The following ANK3 variants were observed in gnomAD, a reference collection of about 807,000 sequenced individuals.
The protein encoded by ANK3 is ankyrin 3.
ANK3 carries 57 observed loss-of-function variants against 370.9 expected under a neutral mutation model. That is an observed-to-expected ratio of 0.15 (90% CI 0.12 to 0.19). ANK3 has a LOEUF of 0.19. ANK3 is among the 10% of genes least tolerant of loss of function. The pLI is 1.00. For missense variants in ANK3, 4,439 were observed against 5,302.1 expected, an observed-to-expected ratio of 0.84 and a Z score of 5.06; for synonymous variants, 1,929 against 1,946.3, an observed-to-expected ratio of 0.99 and a Z score of 0.23.
At chr10:60,061,223 T>C (rs2080390101) in intron 40 of ANK3, among the ~76,000 whole-genome samples, 1 of 152,250 alleles carries the variant, frequency 6.6e-6, no homozygotes, top group South Asian at 2.1e-4. Flanking sequence ...GTTGAAAAGC[T>C]GGCTAAGATT....
chr10:60,331,565 C>A (rs2051311491), intron 1 of ANK3, among the ~76,000 whole-genome samples: 1 of 137,420 alleles, frequency 7.3e-6, no homozygotes, highest in Non-Finnish European at 1.6e-5. Flanking sequence ...GTTAAAACAG[C>A]CTAATTAAAA....
At chr10:60,520,011 T>G (rs1354383361) in intron 2 of ANK3, among the ~76,000 whole-genome samples, 1 of 152,144 alleles carries the variant, frequency 6.6e-6, no homozygotes, top group African/African-American at 2.4e-5. Context: ...GTAACTCTAT[T>G]GTATATTATG....
intron 2 of ANK3, among the ~76,000 whole-genome samples, chr10:60,602,302 T>A (rs1371513799): frequency 6.6e-6 from 1 of 152,172 alleles, no homozygotes; most frequent in Non-Finnish European, 1.5e-5. Context: ...CTTCTTTTCT[T>A]ATCCTCCCTC....
At chr10:60,356,715 T>G (rs1174211067) in intron 1 of ANK3, among the ~76,000 whole-genome samples, 6 of 152,164 alleles carry the variant, frequency 3.9e-5, no homozygotes, top group Non-Finnish European at 5.9e-5. Context: ...ATGCTTTCTT[T>G]TTCATTTCCT....
Position 60,027,447 on chromosome 10 carries a change from C to T in ANK3, c.*2399G>A, listed in dbSNP as rs1000606940. 1 of 152,106 alleles carries T rather than the reference C, an allele frequency of 6.6e-6. No homozygotes were observed. The highest frequency in any genetic ancestry group is 2.4e-5 in the African/African-American group (1 of 41,418). The allele number at this position is 152,106 out of a possible 1,614,324, so 9.4% of individuals were successfully genotyped here. ...CTTTATGCAAAGTAGATTATCCGTGCATTTCTTCTGCATTGATAGTGAATC... is the reference window on the plus strand; with the variant it reads ...CTTTATGCAAAGTAGATTATCCGTGTATTTCTTCTGCATTGATAGTGAATC... On this transcript the variant is annotated 3_prime_UTR_variant, in exon 44 of 44. Transcript: ENST00000280772.
intron 4 of ANK3, among the ~76,000 whole-genome samples, chr10:60,272,136 T>C (rs1235307914): frequency 2.6e-5 from 4 of 151,094 alleles, no homozygotes; most frequent in Non-Finnish European, 5.9e-5. Context: ...TGCATGCCCA[T>C]AGGTCCGTGT....
chr10:60,276,685 C>T (rs1317039414), intron 4 of ANK3, among the ~76,000 whole-genome samples: 6 of 152,078 alleles, frequency 3.9e-5, no homozygotes, highest in East Asian at 1.9e-4. Flanking sequence ...CAAACATTGC[C>T]GAGCCAGTTT....
rs2097096835 is a variant in ANK3 at position 60,223,680 on chromosome 10, C to T, written c.898-10170G>A. 3.9e-5 allele frequency among the ~76,000 whole-genome samples: 6 copies of T among 152,072 alleles called. No homozygotes were observed. The South Asian group carries it at 8.3e-4, about 21-fold the overall frequency. ...GTTATCCTTTTTGTTTAAGAGTAGA[C>T]TCATTTTGTCTACTTCAGTAGCACT... On this transcript the variant is annotated intron_variant, in intron 8 of 43. Transcript: ENST00000280772.
chr10:60,617,406 A>T (rs1301204785), intron 1 of ANK3, among the ~76,000 whole-genome samples: 1 of 152,050 alleles, frequency 6.6e-6, no homozygotes, highest in Non-Finnish European at 1.5e-5. Flanking sequence ...TTTCCCCAGC[A>T]CCACTGGTGA....
At chr10:60,370,122 G>T (rs143633488) in intron 1 of ANK3, among the ~76,000 whole-genome samples, 2 of 152,218 alleles carry the variant, frequency 1.3e-5, no homozygotes, top group Non-Finnish European at 1.5e-5. Flanking sequence ...TTTCAATAAA[G>T]GTAGCACATT....
chr10:60,054,419 A>G (rs1457339151), intron 42 of ANK3, among the ~76,000 whole-genome samples: 1 of 152,224 alleles, frequency 6.6e-6, no homozygotes, highest in African/African-American at 2.4e-5. Flanking sequence ...ATAAAAATTT[A>G]GTGAAGGCAG....
intron 29 of ANK3, among the ~76,000 whole-genome samples, chr10:60,087,723 C>T (rs1300503511): frequency 6.6e-6 from 1 of 152,108 alleles, no homozygotes; most frequent in Admixed American, 6.5e-5. Flanking sequence ...GCCAGCTTTC[C>T]AAACCAAATC....
At chr10:60,512,941 G>A (rs77572108) in intron 2 of ANK3, among the ~76,000 whole-genome samples, 1,961 of 152,100 alleles carry the variant, frequency 0.013, 59 homozygotes, top group African/African-American at 0.045. Flanking sequence ...CATAATTTAC[G>A]TGATTCATAT....
At chr10:60,232,505 C>T (rs991750768) in intron 8 of ANK3, among the ~76,000 whole-genome samples, 1 of 152,164 alleles carries the variant, frequency 6.6e-6, no homozygotes, top group Non-Finnish European at 1.5e-5. Flanking sequence ...GCATTCTTTA[C>T]ATACTGATAA....
intron 2 of ANK3, among the ~76,000 whole-genome samples, chr10:60,419,461 A>G (rs2063735325): frequency 1.3e-5 from 2 of 152,140 alleles, no homozygotes; most frequent in African/African-American, 4.8e-5. Context: ...ATTTGCACAT[A>G]TAAAGAGCAC....
intron 23 of ANK3, among the ~76,000 whole-genome samples, chr10:60,148,424 G>T (rs1264540854): frequency 1.3e-5 from 2 of 152,120 alleles, no homozygotes; most frequent in Non-Finnish European, 2.9e-5. Flanking sequence ...TATCTAGCCT[G>T]GATTAAGAAG....
chr10:60,181,762 C>A (rs896091385), intron 17 of ANK3, among the ~76,000 whole-genome samples: 3 of 151,874 alleles, frequency 2.0e-5, no homozygotes, highest in Non-Finnish European at 2.9e-5. Context: ...GTTGAGATAG[C>A]GCCATTGCAC....
intron 33 of ANK3, among the ~76,000 whole-genome samples, chr10:60,083,165 T>C (rs2085720854): frequency 6.6e-6 from 1 of 152,244 alleles, no homozygotes. Context: ...GAAACTTGAA[T>C]ACTGTATTTG....
chr10:60,571,757 T>G (rs1176155292), intron 2 of ANK3, among the ~76,000 whole-genome samples: 1 of 152,130 alleles, frequency 6.6e-6, no homozygotes, highest in African/African-American at 2.4e-5. Context: ...TTTTCCCCAT[T>G]TCAAAATGAA....
Sources: allele counts gnomAD v4.1 joint callset (sites outside exome capture counted in the v4.1 genomes callset), GRCh38; gene constraint gnomAD v4.1.1; transcripts MANE v1.5; gene names NCBI Gene and HGNC (gene_info 2026-07-23, HGNC 2026-07-21).